Variants in TNS1 observed in about 807,000 individuals in gnomAD.
The protein encoded by TNS1 is tensin-1.
A neutral mutation model predicts 168.6 loss-of-function variants in TNS1; 62 were observed. The ratio of observed to expected loss-of-function variants is 0.37; its 90% CI spans 0.30 to 0.45. The LOEUF (loss-of-function observed/expected upper bound fraction) is 0.45, where lower values mean the gene tolerates loss of function less well. TNS1 is among the 20% of genes least tolerant of loss of function. The pLI is 1.00. For synonymous variants in TNS1, 934 were observed against 933.2 expected, an observed-to-expected ratio of 1.00 and a Z score of -0.02; for missense variants, 2,240 against 2,339.4, an observed-to-expected ratio of 0.96 and a Z score of 0.88.
intron 23 of TNS1, among the ~76,000 whole-genome samples, chr2:217,820,208 C>T (rs944721592): frequency 1.1e-4 from 17 of 152,114 alleles, no homozygotes; most frequent in African/African-American, 3.9e-4. Context: ...AGGCTAGCTT[C>T]CTGGAAAGGG....
chr2:217,844,660 C>T (rs190853596), intron 19 of TNS1, among the ~76,000 whole-genome samples: 15 of 152,320 alleles, frequency 9.8e-5, no homozygotes, highest in African/African-American at 1.9e-4. Context: ...TGACAGCAAT[C>T]GCTTCACCTC....
chr2:217,918,473 C>A (rs35597949), intron 4 of TNS1, among the ~76,000 whole-genome samples: 27,686 of 152,098 alleles, frequency 0.18, 3,727 homozygotes, highest in African/African-American at 0.38. Context: ...GGCGGGGCAC[C>A]TCACAGAGAC....
intron 3 of TNS1, among the ~76,000 whole-genome samples, chr2:217,932,686 A>G (rs1956384109): frequency 6.6e-6 from 1 of 152,182 alleles, no homozygotes; most frequent in Admixed American, 6.5e-5. Flanking sequence ...GAGAGGAAGG[A>G]GCTGATTTTT....
At chr2:217,840,208 G>A (rs1559209044) in intron 19 of TNS1, among the ~76,000 whole-genome samples, 1 of 152,222 alleles carries the variant, frequency 6.6e-6, no homozygotes, top group East Asian at 1.9e-4. Flanking sequence ...CAGGGGCATG[G>A]TGTAGGGCAG....
At chr2:217,937,085 T>C in intron 3 of TNS1, 1 of 451,954 alleles carries the variant, frequency 2.2e-6, no homozygotes, top group South Asian at 1.6e-5. Flanking sequence ...TCTCAAATGG[T>C]ACCTCTTCTC....
chr2:217,831,406 G>C, intron 22 of TNS1, 49 bp downstream of exon 22: 1 of 1,479,408 alleles, frequency 6.8e-7, no homozygotes, highest in Non-Finnish European at 9.1e-7. Flanking sequence ...AACCACAGGA[G>C]TCCTCCTCCC....
At chr2:217,956,693 T>A (rs955300753) in intron 3 of TNS1, among the ~76,000 whole-genome samples, 1 of 152,062 alleles carries the variant, frequency 6.6e-6, no homozygotes, top group East Asian at 1.9e-4. Context: ...ATCTCAAGTG[T>A]CCCTCTGGGC....
chr2:218,000,165 G>T (rs1958536502), intron 1 of TNS1, among the ~76,000 whole-genome samples: 1 of 152,212 alleles, frequency 6.6e-6, no homozygotes, highest in African/African-American at 2.4e-5. Flanking sequence ...ATAATAAATA[G>T]CTCTGCTCCT....
chr2:217,836,689 A>G (rs948414751), intron 19 of TNS1, among the ~76,000 whole-genome samples: 2 of 152,190 alleles, frequency 1.3e-5, no homozygotes, highest in Admixed American at 6.5e-5. Context: ...AAACAAAGAC[A>G]TGACTAAGCC....
rs191162441 is a variant in TNS1, at chr2:217,840,882, G to A, written c.3008-4671C>T. On this transcript the variant is annotated intron_variant, in intron 19 of 32. Coordinates refer to ENST00000682258, the MANE Select transcript of TNS1 (RefSeq NM_001387777.1). ...CATTGTTCCCAGCAGGCAAGGCCAA[G>A]GCTAGCATGAGGCCCATGTTCATGC... Among the ~76,000 whole-genome samples, 655 of 152,224 alleles carry A rather than the reference G, an allele frequency of 4.3e-3. 1 individual carries two copies. The highest frequency in any genetic ancestry group is 0.014 in the Middle Eastern group (4 of 294).
chr2:217,868,422 T>C (rs1443266919), intron 18 of TNS1, among the ~76,000 whole-genome samples: 4 of 152,176 alleles, frequency 2.6e-5, no homozygotes, highest in African/African-American at 9.7e-5. Context: ...CACCTAGTTC[T>C]GCATAGTGGG....
At chr2:217,900,599 A>G (rs1265412366) in intron 6 of TNS1, 87 bp from the exon 7 acceptor site, 2 of 1,336,854 alleles carry the variant, frequency 1.5e-6, no homozygotes, top group Non-Finnish European at 2.1e-6. Context: ...ACGGGGGCAA[A>G]CATGATCCTC....
At chr2:217,881,047 G>C (rs1053160065) in intron 17 of TNS1, 33 bp from the exon 18 acceptor site, 2 of 1,478,720 alleles carry the variant, frequency 1.4e-6, no homozygotes, top group Admixed American at 3.3e-5. Context: ...CGGCAGTCGG[G>C]GAGACAGTGC....
At chr2:217,892,234 G>A (rs982934689) in intron 11 of TNS1, among the ~76,000 whole-genome samples, 2 of 152,098 alleles carry the variant, frequency 1.3e-5, no homozygotes, top group Non-Finnish European at 2.9e-5. Context: ...TGAGTAGCTG[G>A]GATTACAGGC....
chr2:217,951,689 CCACCA>C (rs1957247499), intron 3 of TNS1, among the ~76,000 whole-genome samples: 1 of 152,190 alleles, frequency 6.6e-6, no homozygotes, highest in African/African-American at 2.4e-5. Context: ...AAGGCGGCTC[CCACCA>C]CTGGGGGAAA....
upstream of TNS1, among the ~76,000 whole-genome samples, chr2:218,007,559 CG>C (rs796335839): frequency 0.019 from 221 of 11,550 alleles, no homozygotes; most frequent in African/African-American, 0.069. Flanking sequence ...CCCTGAGGCT[CG>C]GGGGGTGGGG....
chr2:217,989,056 G>A (rs555843864), intron 2 of TNS1, among the ~76,000 whole-genome samples: 2 of 152,266 alleles, frequency 1.3e-5, no homozygotes, highest in South Asian at 2.1e-4. Flanking sequence ...CAAAGGCTCC[G>A]GGCAAAAAGG....
chr2:217,946,577 G>T (rs942846871), intron 3 of TNS1, among the ~76,000 whole-genome samples: 1 of 152,078 alleles, frequency 6.6e-6, no homozygotes, highest in Non-Finnish European at 1.5e-5. Context: ...CTATATAATC[G>T]CAGGCAGAAA....
chr2:217,949,348 C>A (rs986479644), intron 3 of TNS1, among the ~76,000 whole-genome samples: 2 of 152,232 alleles, frequency 1.3e-5, no homozygotes, highest in African/African-American at 4.8e-5. Flanking sequence ...GCTCTAGCTG[C>A]CTCCAGGGCA....
Sources: allele counts gnomAD v4.1 joint callset (sites outside exome capture counted in the v4.1 genomes callset), GRCh38; gene constraint gnomAD v4.1.1; transcripts MANE v1.5; gene names NCBI Gene and HGNC (gene_info 2026-07-23, HGNC 2026-07-21).